CNMD: variants seen among roughly 807,000 people sequenced by gnomAD.
CNMD encodes the protein chondromodulin, also known as leukocyte cell-derived chemotaxin 1.
A neutral mutation model predicts 37.5 loss-of-function variants in CNMD; 30 were observed. That is an observed-to-expected ratio of 0.80 (90% CI 0.60 to 1.09). The LOEUF (loss-of-function observed/expected upper bound fraction) is 1.09. Ranked by LOEUF, CNMD falls within the 50% of genes least tolerant of loss-of-function variation. The pLI is 0.00. For missense variants in CNMD, 398 were observed against 423.9 expected, an observed-to-expected ratio of 0.94 and a Z score of 0.54; for synonymous variants, 167 against 148.2, an observed-to-expected ratio of 1.13 and a Z score of -0.92.
chr13:52,733,610 C>T (rs1964711101), intron 2 of CNMD: 1 of 546,580 alleles, frequency 1.8e-6, no homozygotes, highest in East Asian at 4.0e-5. Context: ...CCATAATTTG[C>T]AATGCTGGCT....
rs1279410426 is a variant in CNMD, at chr13:52,739,406, T to G, written c.72+224A>C. On this transcript the variant is annotated intron_variant, in intron 1 of 6. Transcript: ENST00000377962. This position sits in a 1 kb window ranked among gnomAD's most constrained non-coding sequence, Gnocchi z 5.4. ...AGCACAGGGCCTTCGCCCCAGGACC[T>G]GCACCCTCTACCGGCCACGGGACGT... is the stretch of plus-strand genomic sequence containing the variant. 2 of 668,476 alleles carry G rather than the reference T, an allele frequency of 3.0e-6. No individual in the cohort carries two copies. Among genetic ancestry groups the G allele is most frequent in the Admixed American group, 5.7e-5 (2 of 35,180 alleles). The allele number at this position is 668,476 out of a possible 1,614,324, so 41.4% of individuals were successfully genotyped here.
At position 52,724,055 on chromosome 13, in the gene CNMD, A is replaced by G. The variant is rs768541960; in HGVS notation, c.410T>C (p.Val137Ala). 3 of 1,614,122 alleles carry G rather than the reference A, an allele frequency of 1.9e-6. No homozygotes were observed. The Admixed American group carries it at 5.0e-5, about 27-fold the overall frequency. The change falls in exon 4 of 7, where the codon GTG becomes GCG. Residue 137 changes from valine (V) to alanine (A), a missense_variant. Physicochemically the swap from Val to Ala is moderately conservative, Grantham distance 64 (BLOSUM62 0). Coordinates refer to ENST00000377962, the MANE Select transcript of CNMD (RefSeq NM_007015.3). The part of the protein sequence containing the change: ...GGEKCYIKAQ[V>A]KARIPEVGAV... The stretch of plus-strand genomic sequence containing the variant: ...GCCCACCTCAGGAATACGAGCCTTC[A>G]CTTGCGCTTTAATGTAGCACTTCTC...
rs537446645 is a variant in CNMD at position 52,720,885 on chromosome 13, T to C, written c.468+3112A>G. The stretch of plus-strand genomic sequence containing the variant: ...GCTGGCAGGCAGGGACGTTTAAGTC[T>C]GCTGAAGCTGTGCTCACAGCCGCCC... On this transcript the variant is annotated intron_variant, in intron 4 of 6. Transcript: ENST00000377962. Among the ~76,000 whole-genome samples, 21 of 152,310 alleles carry C rather than the reference T, an allele frequency of 1.4e-4. No individual in the cohort carries two copies. In the South Asian group the frequency reaches 4.1e-3, roughly 30 times the overall value.
At chr13:52,726,010 T>G (rs1964566703) in intron 3 of CNMD, among the ~76,000 whole-genome samples, 1 of 152,212 alleles carries the variant, frequency 6.6e-6, no homozygotes, top group Admixed American at 6.5e-5. Context: ...TAATTAATCA[T>G]GTATACATAT....
chr13:52,715,189 A>G (rs185157985), intron 4 of CNMD, among the ~76,000 whole-genome samples: 9 of 152,172 alleles, frequency 5.9e-5, no homozygotes, highest in Non-Finnish European at 8.8e-5. Context: ...GTTTTTTACT[A>G]CAGTCTCCCT....
chr13:52,726,816 C>A (rs1964581451), intron 3 of CNMD, among the ~76,000 whole-genome samples: 1 of 151,686 alleles, frequency 6.6e-6, no homozygotes, highest in Admixed American at 6.6e-5. Context: ...CCGTGAGATA[C>A]AAGAGAATAC....
intron 2 of CNMD, among the ~76,000 whole-genome samples, chr13:52,735,465 A>G (rs1165920017): frequency 6.6e-6 from 1 of 152,080 alleles, no homozygotes; most frequent in Non-Finnish European, 1.5e-5. Flanking sequence ...GTTCTTAAGG[A>G]GATAAGGTTG....
chr13:52,733,045 A>G (rs868099275), intron 3 of CNMD, 174 bp downstream of exon 3: 2 of 650,972 alleles, frequency 3.1e-6, no homozygotes, highest in South Asian at 1.9e-5. Context: ...TGAAGGACAA[A>G]GTCTGGTCCT....
intron 2 of CNMD, among the ~76,000 whole-genome samples, chr13:52,736,539 CT>C: frequency 6.6e-6 from 1 of 152,308 alleles, no homozygotes; most frequent in Admixed American, 6.5e-5. Flanking sequence ...AGTCCAGTTT[CT>C]AACATACTAG....
At chr13:52,732,776 C>T (rs554828688) in intron 3 of CNMD, among the ~76,000 whole-genome samples, 25 of 152,166 alleles carry the variant, frequency 1.6e-4, no homozygotes, top group Non-Finnish European at 3.2e-4. Flanking sequence ...AGAAATAGCT[C>T]CTTCAAGTCT....
chr13:52,703,626 C>G lies in CNMD; in HGVS notation c.974G>C (p.Trp325Ser). ...SACRVIMPCS[W>S]WVARILGMV ...CATGCCCAAGATACGGGCCACCCAC[C>G]AGCTACATGGCATGATGACTCTGCA... The change falls in exon 7 of 7, where the codon TGG (tryptophan) becomes TCG (serine). Residue 325 changes from tryptophan (W) to serine (S), a missense_variant. Physicochemically the swap from Trp to Ser is radical, Grantham distance 177. Transcript: ENST00000377962. The G allele has an allele frequency of 6.2e-7, 1 of 1,613,072 alleles. No homozygotes were observed. The highest frequency in any genetic ancestry group is 1.3e-5 in the African/African-American group (1 of 75,000).
chr13:52,706,346 G>C (rs1230986834), intron 6 of CNMD, among the ~76,000 whole-genome samples: 1 of 152,066 alleles, frequency 6.6e-6, no homozygotes, highest in Non-Finnish European at 1.5e-5. Context: ...CTCATGCTTC[G>C]GTATTTATGC....
At chr13:52,714,520 A>G (rs1964337750) in intron 4 of CNMD, among the ~76,000 whole-genome samples, 1 of 152,206 alleles carries the variant, frequency 6.6e-6, no homozygotes, top group Admixed American at 6.5e-5. Context: ...AGATTTAAAT[A>G]TAAAAGCATT....
chr13:52,718,972 T>C (rs1439249586), intron 4 of CNMD, among the ~76,000 whole-genome samples: 1 of 152,176 alleles, frequency 6.6e-6, no homozygotes, highest in African/African-American at 2.4e-5. Flanking sequence ...AGTCTCTTTG[T>C]AGGTCTCTGA....
In CNMD at chr13:52,739,625, C is replaced by G; in HGVS notation, c.72+5G>C. The G allele has an allele frequency of 1.2e-6, 2 of 1,613,142 alleles. No individual in the cohort carries two copies. The highest frequency in any genetic ancestry group is 1.7e-6 in the Non-Finnish European group (2 of 1,179,066). ...CCTGCGTGTGGAATCCCTGGCGGTACTCACCGGGGGGCTGCAGAATTCCAC... is the reference window on the plus strand; with the variant it reads ...CCTGCGTGTGGAATCCCTGGCGGTAGTCACCGGGGGGCTGCAGAATTCCAC... On this transcript the variant is annotated splice_donor_5th_base_variant and intron_variant, in intron 1 of 6. Transcript: ENST00000377962. This position sits in a 1 kb window ranked among gnomAD's most constrained non-coding sequence, Gnocchi z 5.4.
At position 52,722,318 on chromosome 13, in the gene CNMD, A is replaced by G. The variant is rs139635324; in HGVS notation, c.468+1679T>C. 5.3e-5 allele frequency among the ~76,000 whole-genome samples: 8 copies of G among 152,306 alleles called. No homozygotes were observed. The East Asian group carries it at 9.6e-4, about 18-fold the overall frequency. ...TGAGACACCGCCTGCAGCTGCTCCT[A>G]TGGGGGCAAACAATCAGGCAGTTTC... On this transcript the variant is annotated intron_variant, in intron 4 of 6. Transcript: ENST00000377962.
chr13:52,739,024 GACTT>G lies in CNMD; in HGVS notation c.213+3_213+6del. The G allele has an allele frequency of 6.3e-7, 1 of 1,575,342 alleles. No individual in the cohort carries two copies. Among genetic ancestry groups the G allele is most frequent in the Non-Finnish European group, 8.6e-7 (1 of 1,164,778 alleles). On this transcript the variant is annotated splice_donor_5th_base_variant and intron_variant, in intron 2 of 6. Transcript: ENST00000377962. The surrounding 1 kb of genome is among the most constrained non-coding windows in gnomAD (Gnocchi z 5.4). The stretch of plus-strand genomic sequence containing the variant: ...GGGGGTCCCCGCGCGCCGCCCTCTG[GACTT>G]ACGTGACTGTCGCTCCCCTTCCAGA...
chr13:52,724,243 T>C (rs992374591), intron 3 of CNMD, 133 bp from the exon 4 acceptor site: 4 of 680,380 alleles, frequency 5.9e-6, no homozygotes, highest in Non-Finnish European at 2.6e-6. Context: ...ACTGCCCTCA[T>C]GGAACTTACC....
Position 52,703,555 on chromosome 13 carries a change from G to T in CNMD, c.*40C>A. The T allele has an allele frequency of 1.4e-6, 2 of 1,412,962 alleles. No homozygotes were observed. The highest frequency in any genetic ancestry group is 1.2e-5 in the South Asian group (1 of 86,332). 87.5% of individuals were successfully genotyped at this position (1,412,962 alleles called of 1,614,324 possible). ...TAATGCTTCTTTGGTTGTCTCTTCAGCTAGTTCTTATTTTACAGCACATGA... is the reference window on the plus strand; with the variant it reads ...TAATGCTTCTTTGGTTGTCTCTTCATCTAGTTCTTATTTTACAGCACATGA... On this transcript the variant is annotated 3_prime_UTR_variant, in exon 7 of 7. Coordinates refer to ENST00000377962, the MANE Select transcript of CNMD (RefSeq NM_007015.3).
Sources: allele counts gnomAD v4.1 joint callset (sites outside exome capture counted in the v4.1 genomes callset), GRCh38; gene constraint gnomAD v4.1.1; non-coding constraint Gnocchi (gnomAD v3.1); transcripts MANE v1.5; gene names NCBI Gene and HGNC (gene_info 2026-07-23, HGNC 2026-07-21).